The following RARB variants were observed in gnomAD, a reference collection of about 807,000 sequenced individuals.
The protein encoded by RARB is HBV-activated protein.
RARB carries 17 observed loss-of-function variants against 51.9 expected under a neutral mutation model. That is an observed-to-expected ratio of 0.33 (90% CI 0.22 to 0.49). The LOEUF is 0.49. RARB is among the 20% of genes least tolerant of loss of function. The pLI is 0.99. For synonymous variants in RARB, 215 were observed against 195.4 expected (o/e 1.10, Z -0.84); for missense variants, 369 against 550.8 (o/e 0.67, Z 3.30).
At chr3:25,203,926 G>C (rs1360645702) in intron 5 of RARB, among the ~76,000 whole-genome samples, 1 of 152,112 alleles carries the variant, frequency 6.6e-6, no homozygotes, top group Non-Finnish European at 1.5e-5. Context: ...CTCTTCTTGA[G>C]GAGTATCTTT....
At chr3:25,323,931 C>G (rs942256698) in intron 5 of RARB, among the ~76,000 whole-genome samples, 2 of 152,092 alleles carry the variant, frequency 1.3e-5, no homozygotes, top group African/African-American at 2.4e-5. Context: ...TGACAATAGG[C>G]AATCAAGGAT....
chr3:25,573,631 A>G (rs1700801085), intron 4 of RARB, among the ~76,000 whole-genome samples: 1 of 152,220 alleles, frequency 6.6e-6, no homozygotes, highest in Non-Finnish European at 1.5e-5. Flanking sequence ...GTATAAATAA[A>G]TAACAGCAGC....
intron 2 of RARB, among the ~76,000 whole-genome samples, chr3:24,924,360 G>A (rs185775183): frequency 6.6e-6 from 1 of 152,112 alleles, no homozygotes; most frequent in East Asian, 1.9e-4. Context: ...AGGATTTTCT[G>A]TGACACTGGA....
intron 4 of RARB, among the ~76,000 whole-genome samples, chr3:25,153,415 C>T (rs181373946): frequency 4.6e-5 from 7 of 152,252 alleles, no homozygotes; most frequent in African/African-American, 9.6e-5. Flanking sequence ...GAGATAATTT[C>T]TTTATCGAGT....
intron 3 of RARB, among the ~76,000 whole-genome samples, chr3:25,085,252 T>C (rs1699084382): frequency 2.0e-5 from 3 of 152,200 alleles, no homozygotes; most frequent in South Asian, 4.1e-4. Flanking sequence ...CATAACAATG[T>C]AAATGTAAGC....
At chr3:25,196,309 GA>G (rs1283410825) in intron 5 of RARB, among the ~76,000 whole-genome samples, 1 of 151,942 alleles carries the variant, frequency 6.6e-6, no homozygotes, top group Non-Finnish European at 1.5e-5. Flanking sequence ...CTATGAGTGA[GA>G]ACATGTAGTG....
intron 2 of RARB, among the ~76,000 whole-genome samples, chr3:24,880,048 G>A (rs1177352968): frequency 6.6e-6 from 1 of 151,896 alleles, no homozygotes; most frequent in Non-Finnish European, 1.5e-5. Context: ...TTAGCTCTAC[G>A]TTCCTGGTTT....
intron 2 of RARB, among the ~76,000 whole-genome samples, chr3:24,959,627 C>T (rs374137199): frequency 3.0e-4 from 46 of 152,340 alleles, no homozygotes; most frequent in South Asian, 1.9e-3. Flanking sequence ...TGGCCTTTGC[C>T]AGGGACACTG....
intron 5 of RARB, among the ~76,000 whole-genome samples, chr3:25,275,000 A>G (rs926959790): frequency 6.6e-6 from 1 of 152,212 alleles, no homozygotes; most frequent in African/African-American, 2.4e-5. Context: ...TACTTAGCTG[A>G]TCAGCATTTG....
chr3:25,252,545 T>A (rs1292826849), intron 5 of RARB, among the ~76,000 whole-genome samples: 1 of 152,224 alleles, frequency 6.6e-6, no homozygotes, highest in African/African-American at 2.4e-5. Flanking sequence ...TAGTTTTCAG[T>A]GAACAAGCCT....
At chr3:25,291,001 C>T (rs1367998011) in intron 5 of RARB, among the ~76,000 whole-genome samples, 1 of 152,220 alleles carries the variant, frequency 6.6e-6, no homozygotes, top group African/African-American at 2.4e-5. Flanking sequence ...GAAATGATGG[C>T]AAGAGCTTTG....
At chr3:25,580,451 C>T in intron 4 of RARB, 95 bp from the exon 5 acceptor site, 1 of 1,222,172 alleles carries the variant, frequency 8.2e-7, no homozygotes. Context: ...TCAAGGCTGA[C>T]ATGTCACCCC....
intron 4 of RARB, among the ~76,000 whole-genome samples, chr3:25,168,385 C>T (rs770801837): frequency 9.2e-5 from 14 of 152,018 alleles, no homozygotes; most frequent in South Asian, 2.1e-4. Context: ...CCACCATGCC[C>T]GGCTAATTTT....
chr3:25,392,753 T>C (rs1243794668), intron 5 of RARB, among the ~76,000 whole-genome samples: 1 of 152,184 alleles, frequency 6.6e-6, no homozygotes, highest in Admixed American at 6.5e-5. Context: ...CCCAAAACTT[T>C]ACAGAATTCA....
At chr3:25,421,208 T>C (rs1428272112) in intron 5 of RARB, among the ~76,000 whole-genome samples, 1 of 151,792 alleles carries the variant, frequency 6.6e-6, no homozygotes, top group African/African-American at 2.4e-5. Flanking sequence ...GCAAATTCTC[T>C]TAGAGAACTT....
chr3:25,279,797 CTG>C (rs1251376237), intron 5 of RARB, among the ~76,000 whole-genome samples: 1 of 152,004 alleles, frequency 6.6e-6, no homozygotes, highest in Non-Finnish European at 1.5e-5. Context: ...TGTAATATCA[CTG>C]TGGGTAATTT....
chr3:25,061,354 A>G lies in RARB; in HGVS notation c.-328+1178A>G, dbSNP rs73149134. ...TTGATGTGATGCTGCTTAACTATAA[A>G]TTTCTTTTATTATAATCATATTTTT... On this transcript the variant is annotated intron_variant, in intron 3 of 11. Transcript: ENST00000383772. Among the ~76,000 whole-genome samples, 1,493 of 151,916 alleles carry G rather than the reference A, an allele frequency of 9.8e-3. 33 individuals are homozygous for G. Among genetic ancestry groups the G allele is most frequent in the African/African-American group, 0.034 (1,418 of 41,510 alleles).
intron 2 of RARB, among the ~76,000 whole-genome samples, chr3:24,997,321 A>G (rs1697063035): frequency 6.6e-6 from 1 of 151,328 alleles, no homozygotes; most frequent in Non-Finnish European, 1.5e-5. Flanking sequence ...ATTTTTCTCC[A>G]TTCCTTCACT....
At chr3:25,163,256 C>A (rs1700502180) in intron 4 of RARB, among the ~76,000 whole-genome samples, 1 of 152,114 alleles carries the variant, frequency 6.6e-6, no homozygotes, top group Admixed American at 6.5e-5. Flanking sequence ...ATGATCCCGG[C>A]ACTTCAGGAG....
Sources: allele counts gnomAD v4.1 joint callset (sites outside exome capture counted in the v4.1 genomes callset), GRCh38; gene constraint gnomAD v4.1.1; transcripts MANE v1.5; gene names NCBI Gene and HGNC (gene_info 2026-07-23, HGNC 2026-07-21).